RAB3C: variants seen among roughly 807,000 people sequenced by gnomAD.
RAB3C encodes RAB3C, member RAS oncogene family, also known as ras-related protein Rab-3C.
Under a neutral mutation model 26.4 loss-of-function variants are expected in RAB3C, and 17 were observed. The ratio of observed to expected loss-of-function variants is 0.64; its 90% confidence interval spans 0.44 to 0.97. RAB3C has a LOEUF of 0.97. RAB3C is among the 50% of genes least tolerant of loss of function. RAB3C has a pLI of 0.00. For missense variants in RAB3C, 242 were observed against 281.9 expected (o/e 0.86, Z 1.01); for synonymous variants, 91 against 95.9 (o/e 0.95, Z 0.30).
intron 3 of RAB3C, among the ~76,000 whole-genome samples, chr5:58,796,848 G>A (rs754847534): frequency 6.6e-6 from 1 of 152,084 alleles, no homozygotes; most frequent in Non-Finnish European, 1.5e-5. Flanking sequence ...GAAGGCACAT[G>A]AGAAAGAAGC....
chr5:58,828,691 C>T (rs1005259181), intron 4 of RAB3C, among the ~76,000 whole-genome samples: 12 of 152,196 alleles, frequency 7.9e-5, no homozygotes, highest in Admixed American at 2.6e-4. Flanking sequence ...CATTTTCAAA[C>T]GCACATTCAT....
chr5:58,828,789 C>A (rs547293667), intron 4 of RAB3C, among the ~76,000 whole-genome samples: 1 of 151,962 alleles, frequency 6.6e-6, no homozygotes, highest in Admixed American at 6.5e-5. Context: ...GACTTTTATA[C>A]GACTAAATTT....
chr5:58,781,937 T>C (rs558505077), intron 3 of RAB3C, among the ~76,000 whole-genome samples: 1 of 152,186 alleles, frequency 6.6e-6, no homozygotes, highest in Non-Finnish European at 1.5e-5. Flanking sequence ...TACATAAATT[T>C]TTTTTTGATT....
chr5:58,742,638 A>G (rs1251582824), intron 3 of RAB3C, among the ~76,000 whole-genome samples: 2 of 152,198 alleles, frequency 1.3e-5, no homozygotes, highest in Non-Finnish European at 2.9e-5. Context: ...TTATTTCCTT[A>G]TCATTCTGTT....
chr5:58,719,247 C>A (rs1226027771), intron 2 of RAB3C, among the ~76,000 whole-genome samples: 1 of 152,006 alleles, frequency 6.6e-6, no homozygotes. Context: ...AAATAGATAT[C>A]TAGTTTTTAA....
chr5:58,838,267 C>A (rs1743793460), intron 4 of RAB3C, among the ~76,000 whole-genome samples: 1 of 151,872 alleles, frequency 6.6e-6, no homozygotes, highest in Non-Finnish European at 1.5e-5. Context: ...GTAGTCCCAG[C>A]TACTCGGGAG....
At position 58,816,095 on chromosome 5, in the gene RAB3C, C is replaced by T. The variant is rs147888491; in HGVS notation, c.372-8943C>T. On this transcript the variant is annotated intron_variant, in intron 3 of 4. Transcript: ENST00000282878. ...TAATCAGTGCTTTTGAGCCATACTG[C>T]CAGCTCCAGAACACAGCTAAACTTT... 7.8e-3 allele frequency among the ~76,000 whole-genome samples: 1,182 copies of T among 152,266 alleles called. 17 individuals carry two copies. Among genetic ancestry groups the T allele is most frequent in the African/African-American group, 0.026 (1,100 of 41,550 alleles).
intron 3 of RAB3C, among the ~76,000 whole-genome samples, chr5:58,798,654 T>C (rs569885445): frequency 2.0e-5 from 3 of 152,318 alleles, no homozygotes; most frequent in Non-Finnish European, 2.9e-5. Flanking sequence ...TGTGTATAAG[T>C]TGAGTATGAA....
intron 2 of RAB3C, among the ~76,000 whole-genome samples, chr5:58,668,273 C>G (rs1044943751): frequency 1.3e-5 from 2 of 152,082 alleles, no homozygotes; most frequent in Non-Finnish European, 2.9e-5. Flanking sequence ...ACCTGACCCT[C>G]AGAGATAAAT....
intron 4 of RAB3C, among the ~76,000 whole-genome samples, chr5:58,848,855 T>A (rs781236228): frequency 4.1e-4 from 63 of 152,204 alleles, no homozygotes; most frequent in Admixed American, 1.3e-4. Context: ...AGATCCCACA[T>A]CTTTTGACTG....
intron 3 of RAB3C, among the ~76,000 whole-genome samples, chr5:58,816,892 A>G (rs767113388): frequency 6.6e-5 from 10 of 152,184 alleles, no homozygotes; most frequent in Non-Finnish European, 1.3e-4. Flanking sequence ...GGGCTTTTCT[A>G]GATTTGGCTG....
intron 1 of RAB3C, among the ~76,000 whole-genome samples, chr5:58,599,523 C>T (rs1746403773): frequency 6.6e-6 from 1 of 152,082 alleles, no homozygotes; most frequent in Non-Finnish European, 1.5e-5. Flanking sequence ...CTGGGGTTCT[C>T]CTTTACTCTG....
chr5:58,754,980 GA>G lies in RAB3C; in HGVS notation c.371+28870del, dbSNP rs200595118. Among the ~76,000 whole-genome samples, 319 of 146,652 alleles carry G rather than the reference GA, an allele frequency of 2.2e-3. 3 individuals are homozygous for G. Among genetic ancestry groups the G allele is most frequent in the South Asian group, 0.013 (61 of 4,620 alleles). ...AACTTGGGCAAGGAAACAAACAAGTGAAAAAAAAAATCACATTGGCTTTAAG... is the reference window on the plus strand; with the variant it reads ...AACTTGGGCAAGGAAACAAACAAGTGAAAAAAAAATCACATTGGCTTTAAG... On this transcript the variant is annotated intron_variant, in intron 3 of 4. Coordinates refer to ENST00000282878, the MANE Select transcript of RAB3C (RefSeq NM_138453.4).
intron 1 of RAB3C, among the ~76,000 whole-genome samples, chr5:58,609,236 G>A (rs1746640597): frequency 6.6e-6 from 1 of 152,120 alleles, no homozygotes; most frequent in African/African-American, 2.4e-5. Context: ...GATGCTCAGT[G>A]TGGACCAGTC....
At chr5:58,676,236 G>A (rs1748222887) in intron 2 of RAB3C, among the ~76,000 whole-genome samples, 1 of 152,046 alleles carries the variant, frequency 6.6e-6, no homozygotes, top group Non-Finnish European at 1.5e-5. Context: ...GAGCGGCGTG[G>A]CTCACACCTG....
At chr5:58,780,869 A>C (rs1007431165) in intron 3 of RAB3C, among the ~76,000 whole-genome samples, 1 of 151,870 alleles carries the variant, frequency 6.6e-6, no homozygotes, top group Admixed American at 6.6e-5. Flanking sequence ...TAAATATATC[A>C]TAGTAGTCAC....
chr5:58,583,279 G>A, intron 1 of RAB3C, 47 bp downstream of exon 1: 18 of 1,613,176 alleles, frequency 1.1e-5, no homozygotes, highest in Non-Finnish European at 1.5e-5. Context: ...TGAAAGAGAT[G>A]CTTTTCCCCT....
intron 2 of RAB3C, among the ~76,000 whole-genome samples, chr5:58,705,991 A>G (rs1454449169): frequency 6.6e-6 from 1 of 152,168 alleles, no homozygotes; most frequent in African/African-American, 2.4e-5. Context: ...GAGATACTGG[A>G]TATTACATTT....
At chr5:58,597,098 A>ATATAATGTATTATATAT (rs1746309145) in intron 1 of RAB3C, among the ~76,000 whole-genome samples, 1 of 68,610 alleles carries the variant, frequency 1.5e-5, no homozygotes, top group African/African-American at 6.4e-5. Context: ...TACATAATAT[A>ATATAATGTATTATATAT]TATTATATAA....
Sources: gnomAD v4.1 joint callset for allele counts (sites outside exome capture counted in the v4.1 genomes callset) on GRCh38, gnomAD v4.1.1 for gene constraint, MANE v1.5 for transcripts, NCBI Gene and HGNC (gene_info 2026-07-23, HGNC 2026-07-21) for gene names.